PDS5B: variants seen among roughly 807,000 people sequenced by gnomAD.
PDS5B encodes sister chromatid cohesion protein PDS5 homolog B.
In PDS5B, 51 loss-of-function variants were observed where a neutral mutation model predicts 184.1. The ratio of observed to expected loss-of-function variants is 0.28; its 90% CI spans 0.22 to 0.35. PDS5B has a LOEUF of 0.35. Among genes scored for constraint, PDS5B ranks in the 10% least tolerant of loss-of-function variants. The pLI, the probability that PDS5B is intolerant of heterozygous loss-of-function variation, is 1.00. For missense variants in PDS5B, 1,180 were observed against 1,723.3 expected, an observed-to-expected ratio of 0.68 and a Z score of 5.58; for synonymous variants, 566 against 569.2, an observed-to-expected ratio of 0.99 and a Z score of 0.08.
intron 15 of PDS5B, among the ~76,000 whole-genome samples, chr13:32,698,927 ATTC>A (rs1343838286): frequency 3.3e-5 from 5 of 151,986 alleles, no homozygotes; most frequent in Non-Finnish European, 7.4e-5. Flanking sequence ...TAATTTTTGT[ATTC>A]TTTTAGTAGA....
At chr13:32,647,863 T>G (rs1436640492) in intron 1 of PDS5B, among the ~76,000 whole-genome samples, 1 of 152,206 alleles carries the variant, frequency 6.6e-6, no homozygotes, top group African/African-American at 2.4e-5. Flanking sequence ...ACTTGATACT[T>G]GCTCATTGTT....
chr13:32,756,059 A>G (rs1954165109), intron 26 of PDS5B, 103 bp downstream of exon 26: 1 of 633,836 alleles, frequency 1.6e-6, no homozygotes, highest in African/African-American at 1.9e-5. Flanking sequence ...GATGTATTTC[A>G]TTTCTTAGGT....
rs1377477736 is a variant in PDS5B at position 32,721,099 on chromosome 13, T to C, written c.2123+10993T>C. Among the ~76,000 whole-genome samples the C allele has an allele frequency of 2.0e-5, 3 of 152,252 alleles. No homozygotes were observed. The South Asian group carries it at 6.2e-4, about 31-fold the overall frequency. The stretch of plus-strand genomic sequence containing the variant: ...TCTTTCTTTTCCCCACATTTCCCTC[T>C]TTTCTATTCGACAAAACCACCATTG... On this transcript the variant is annotated intron_variant, in intron 19 of 34. Coordinates refer to ENST00000315596, the MANE Select transcript of PDS5B (RefSeq NM_015032.4).
intron 7 of PDS5B, among the ~76,000 whole-genome samples, chr13:32,669,734 T>A (rs1052089325): frequency 3.3e-5 from 5 of 152,164 alleles, no homozygotes; most frequent in Non-Finnish European, 1.5e-5. Flanking sequence ...GTGTTCTGAG[T>A]ACACATTGAA....
intron 23 of PDS5B, among the ~76,000 whole-genome samples, chr13:32,743,705 CAG>C (rs1427921452): frequency 1.3e-5 from 2 of 152,012 alleles, no homozygotes; most frequent in Admixed American, 6.6e-5. Context: ...AGAATGTTAA[CAG>C]AAGCACATCC....
chr13:32,587,042 C>A (rs1317040969), intron 1 of PDS5B, among the ~76,000 whole-genome samples: 2 of 145,622 alleles, frequency 1.4e-5, no homozygotes, highest in Non-Finnish European at 3.1e-5. Context: ...CCCGGCCGGC[C>A]GGCGGCTGTT....
At chr13:32,617,221 A>G (rs1488504014) in intron 1 of PDS5B, among the ~76,000 whole-genome samples, 1 of 152,194 alleles carries the variant, frequency 6.6e-6, no homozygotes, top group Admixed American at 6.5e-5. Flanking sequence ...CATTTATTTA[A>G]TATAATCTAG....
intron 3 of PDS5B, among the ~76,000 whole-genome samples, chr13:32,657,753 G>A (rs149374380): frequency 7.2e-4 from 110 of 152,156 alleles, no homozygotes; most frequent in Middle Eastern, 3.4e-3. Flanking sequence ...ATGATTGGTA[G>A]GAAGCTTGAC....
chr13:32,669,361 C>T (rs752529967), intron 7 of PDS5B, among the ~76,000 whole-genome samples: 17 of 149,978 alleles, frequency 1.1e-4, no homozygotes, highest in Non-Finnish European at 1.6e-4. Flanking sequence ...AAGAAAAGAA[C>T]GCTATACTGT....
At chr13:32,654,793 CTCT>C (rs1481889358) in intron 3 of PDS5B, among the ~76,000 whole-genome samples, 2 of 152,160 alleles carry the variant, frequency 1.3e-5, no homozygotes, top group African/African-American at 4.8e-5. Flanking sequence ...ATTTGGTTTT[CTCT>C]TCCTGCATTT....
At chr13:32,695,721 C>G (rs1433534005) in intron 14 of PDS5B, among the ~76,000 whole-genome samples, 2 of 151,876 alleles carry the variant, frequency 1.3e-5, no homozygotes, top group Non-Finnish European at 2.9e-5. Context: ...TCTCACTGTT[C>G]CTCTAAAATT....
intron 17 of PDS5B, among the ~76,000 whole-genome samples, chr13:32,703,250 T>C (rs1951914601): frequency 6.6e-6 from 1 of 152,158 alleles, no homozygotes; most frequent in Non-Finnish European, 1.5e-5. Context: ...GACAGAACTT[T>C]GGAAATTTTT....
intron 1 of PDS5B, among the ~76,000 whole-genome samples, chr13:32,601,227 G>C (rs55781908): frequency 6.6e-6 from 1 of 152,056 alleles, no homozygotes; most frequent in African/African-American, 2.4e-5. Flanking sequence ...TTTTCCCAGG[G>C]TTTATAATTG....
Sources: allele counts gnomAD v4.1 joint callset (sites outside exome capture counted in the v4.1 genomes callset), GRCh38; gene constraint gnomAD v4.1.1; transcripts MANE v1.5; gene names NCBI Gene and HGNC (gene_info 2026-07-23, HGNC 2026-07-21).